Variants in PPFIA2 observed in about 807,000 individuals in gnomAD.
PPFIA2 encodes the protein liprin-alpha-2.
PPFIA2 carries 46 observed loss-of-function variants against 175.5 expected under a neutral mutation model. The ratio of observed to expected loss-of-function variants is 0.26; its 90% confidence interval spans 0.21 to 0.34. The LOEUF is 0.34. Among genes scored for constraint, PPFIA2 ranks in the 10% least tolerant of loss-of-function variants. The pLI is 1.00. For missense variants in PPFIA2, 1,179 were observed against 1,506.1 expected (o/e 0.78, Z 3.60); for synonymous variants, 568 against 511.4 (o/e 1.11, Z -1.49).
intron 4 of PPFIA2, among the ~76,000 whole-genome samples, chr12:81,493,620 A>T (rs1039331684): frequency 3.5e-4 from 53 of 151,726 alleles, no homozygotes; most frequent in Non-Finnish European, 1.0e-4. Context: ...CAGAAGAGAA[A>T]AATTGGAGAT....
chr12:81,434,519 G>A (rs566304403), intron 7 of PPFIA2, among the ~76,000 whole-genome samples: 1 of 151,968 alleles, frequency 6.6e-6, no homozygotes, highest in African/African-American at 2.4e-5. Flanking sequence ...AACAGATATG[G>A]GGAACATTAT....
At chr12:81,280,636 G>A (rs1461253785) in intron 27 of PPFIA2, among the ~76,000 whole-genome samples, 7 of 151,808 alleles carry the variant, frequency 4.6e-5, no homozygotes. Context: ...TTATGATATG[G>A]TATTATAACA....
intron 7 of PPFIA2, among the ~76,000 whole-genome samples, chr12:81,437,778 G>T (rs193280730): frequency 6.6e-6 from 1 of 151,844 alleles, no homozygotes; most frequent in African/African-American, 2.4e-5. Flanking sequence ...CACATTTTAC[G>T]TTTTTTTCTG....
intron 7 of PPFIA2, among the ~76,000 whole-genome samples, chr12:81,433,477 T>C (rs2048452868): frequency 6.6e-6 from 1 of 152,212 alleles, no homozygotes; most frequent in Non-Finnish European, 1.5e-5. Context: ...GGGCAAGTTA[T>C]ATGAAAATTT....
intron 7 of PPFIA2, among the ~76,000 whole-genome samples, chr12:81,435,582 AAGAG>A (rs999346742): frequency 4.6e-5 from 7 of 150,706 alleles, no homozygotes; most frequent in South Asian, 4.2e-4. Context: ...GAGAGAGAGA[AAGAG>A]AGAGAGAGAG....
intron 4 of PPFIA2, among the ~76,000 whole-genome samples, chr12:81,627,284 G>A (rs1208446652): frequency 1.3e-5 from 2 of 151,960 alleles, no homozygotes; most frequent in East Asian, 1.9e-4. Context: ...CTAGAGGAGT[G>A]GGCCTAAAAT....
intron 5 of PPFIA2, among the ~76,000 whole-genome samples, chr12:81,457,169 A>G (rs567092011): frequency 6.6e-6 from 1 of 151,966 alleles, no homozygotes; most frequent in South Asian, 2.1e-4. Context: ...TTTATAGTAG[A>G]AATGGGGTTT....
chr12:81,670,442 C>T (rs2153562210), intron 4 of PPFIA2, among the ~76,000 whole-genome samples: 1 of 151,940 alleles, frequency 6.6e-6, no homozygotes, highest in Admixed American at 6.6e-5. Flanking sequence ...ATGTCTATGA[C>T]CACAATCTGG....
At chr12:81,297,998 ACTGT>A (rs1565986767) in intron 23 of PPFIA2, 1 of 152,120 alleles carries the variant, frequency 6.6e-6, no homozygotes, top group Non-Finnish European at 1.5e-5. Context: ...CACAAACTTC[ACTGT>A]CTGTCATCTC....
At position 81,262,153 on chromosome 12, in the gene PPFIA2, T is replaced by C. The variant is rs2136108970; in HGVS notation, c.3716-113A>G. ...GGATTCCGAACATATTAGTAGACCTTCTTTCTCTCAGATATAAGCCACTCA... is the reference window on the plus strand; with the variant it reads ...GGATTCCGAACATATTAGTAGACCTCCTTTCTCTCAGATATAAGCCACTCA... On this transcript the variant is annotated intron_variant, in intron 31 of 32. Transcript: ENST00000549396. 4.1e-6 allele frequency: 3 copies of C among 727,832 alleles called. No homozygotes were observed. The South Asian group carries it at 4.8e-5, about 12-fold the overall frequency. 45.1% of individuals were successfully genotyped at this position (727,832 alleles called of 1,614,324 possible). A position where few individuals can be genotyped will look rare whatever the true frequency, so the allele number is the denominator to read the frequency against.
chr12:81,272,813 T>G (rs2039491234), intron 28 of PPFIA2, among the ~76,000 whole-genome samples: 1 of 152,194 alleles, frequency 6.6e-6, no homozygotes, highest in South Asian at 2.1e-4. Context: ...ATCAACTTAA[T>G]TCCAATTAAA....
chr12:81,288,668 G>C (rs2044096503), intron 24 of PPFIA2, among the ~76,000 whole-genome samples: 2 of 151,538 alleles, frequency 1.3e-5, no homozygotes, highest in South Asian at 4.2e-4. Context: ...TTACTACCTA[G>C]GTCATTTAAA....
At chr12:81,332,162 T>C (rs1013672276) in intron 21 of PPFIA2, among the ~76,000 whole-genome samples, 1 of 152,004 alleles carries the variant, frequency 6.6e-6, no homozygotes, top group African/African-American at 2.4e-5. Flanking sequence ...ACCCTGGAAC[T>C]CAGATCATCT....
chr12:81,737,861 G>A (rs2081820495), intron 3 of PPFIA2, among the ~76,000 whole-genome samples: 1 of 151,774 alleles, frequency 6.6e-6, no homozygotes, highest in African/African-American at 2.4e-5. Context: ...GAAAGAGTAA[G>A]AGGAATAGAA....
intron 4 of PPFIA2, among the ~76,000 whole-genome samples, chr12:81,554,025 T>C: frequency 6.6e-6 from 1 of 152,020 alleles, no homozygotes; most frequent in East Asian, 1.9e-4. Context: ...AATACAACTT[T>C]TTTTTGCTAG....
intron 3 of PPFIA2, among the ~76,000 whole-genome samples, chr12:81,713,811 T>C (rs10506847): frequency 0.72 from 108,193 of 151,046 alleles, 41,972 homozygotes; most frequent in Non-Finnish European, 0.86. Context: ...ATTCCCATCA[T>C]TGAGAAAATA....
At chr12:81,715,066 A>G (rs1385500854) in intron 3 of PPFIA2, among the ~76,000 whole-genome samples, 2 of 151,010 alleles carry the variant, frequency 1.3e-5, no homozygotes, top group Middle Eastern at 3.2e-3. Flanking sequence ...AAACTGGCAG[A>G]CAAGAGGAGG....
chr12:81,561,584 AT>A (rs2070094630), intron 4 of PPFIA2, among the ~76,000 whole-genome samples: 1 of 152,216 alleles, frequency 6.6e-6, no homozygotes, highest in Non-Finnish European at 1.5e-5. Context: ...TCATATAGCT[AT>A]CTTCCTATTA....
At chr12:81,371,284 TAAAA>T (rs2035028209) in intron 11 of PPFIA2, among the ~76,000 whole-genome samples, 2 of 145,490 alleles carry the variant, frequency 1.4e-5, no homozygotes, top group Non-Finnish European at 3.0e-5. Context: ...TATATTTTAT[TAAAA>T]ATAAAAATTT....
Sources: allele counts gnomAD v4.1 joint callset (sites outside exome capture counted in the v4.1 genomes callset), GRCh38; gene constraint gnomAD v4.1.1; transcripts MANE v1.5; gene names NCBI Gene and HGNC (gene_info 2026-07-23, HGNC 2026-07-21).